The following TFDP2 variants were observed in gnomAD, a reference collection of about 807,000 sequenced individuals.
TFDP2 encodes the protein transcription factor Dp-2 (E2F dimerization partner 2).
A neutral mutation model predicts 59.3 loss-of-function variants in TFDP2; 17 were observed. The ratio of observed to expected loss-of-function variants is 0.29; its 90% confidence interval spans 0.20 to 0.43. The LOEUF (loss-of-function observed/expected upper bound fraction) is 0.43. TFDP2 is among the 20% of genes least tolerant of loss of function. TFDP2 has a pLI of 1.00. For missense variants in TFDP2, 391 were observed against 528.8 expected (o/e 0.74, Z 2.56); for synonymous variants, 180 against 194.7 (o/e 0.92, Z 0.63).
intron 1 of TFDP2, among the ~76,000 whole-genome samples, chr3:142,142,074 A>G (rs2062981465): frequency 6.6e-6 from 1 of 152,198 alleles, no homozygotes; most frequent in African/African-American, 2.4e-5. Flanking sequence ...CTGTTATTCA[A>G]CAAAGTACTG....
rs573535128 is a variant in TFDP2 at position 142,055,867 on chromosome 3, G to A, written c.82+37194C>T. 2.6e-5 allele frequency among the ~76,000 whole-genome samples: 4 copies of A among 151,340 alleles called. No homozygotes were observed. In the South Asian group the frequency reaches 6.3e-4, roughly 24 times the overall value. On this transcript the variant is annotated intron_variant, in intron 3 of 12. Coordinates refer to ENST00000489671, the MANE Select transcript of TFDP2 (RefSeq NM_001178139.2). ...TCATGATGACAATCAAGAAAAGGTG[G>A]AGGAGAAAAGTGCATGCAATTATAA...
chr3:142,044,828 G>A (rs1431513701), intron 3 of TFDP2, among the ~76,000 whole-genome samples: 3 of 152,092 alleles, frequency 2.0e-5, no homozygotes, highest in Non-Finnish European at 4.4e-5. Context: ...TACAATCTTA[G>A]GGAAGTAATT....
At chr3:142,139,666 AT>A (rs1247844428) in intron 1 of TFDP2, among the ~76,000 whole-genome samples, 1 of 151,954 alleles carries the variant, frequency 6.6e-6, no homozygotes, top group Non-Finnish European at 1.5e-5. Context: ...GTTGAAAATT[AT>A]TTTCTTTAAG....
At chr3:142,073,470 C>CT (rs1553796621) in intron 3 of TFDP2, among the ~76,000 whole-genome samples, 1 of 52,014 alleles carries the variant, frequency 1.9e-5, no homozygotes. Context: ...CCCCCCCCCC[C>CT]GCAAAAAAAA....
At chr3:142,111,071 A>G (rs1050132044) in intron 1 of TFDP2, among the ~76,000 whole-genome samples, 3 of 152,216 alleles carry the variant, frequency 2.0e-5, no homozygotes, top group African/African-American at 7.2e-5. Context: ...GCATTAAATG[A>G]CAAATTTCAC....
chr3:142,010,011 C>T (rs1944531760), intron 3 of TFDP2, among the ~76,000 whole-genome samples: 1 of 151,538 alleles, frequency 6.6e-6, no homozygotes, highest in South Asian at 2.1e-4. Flanking sequence ...TGAGAAAGGC[C>T]CTCCTCACCA....
chr3:142,099,382 C>A (rs191342642), intron 2 of TFDP2, among the ~76,000 whole-genome samples: 316 of 152,254 alleles, frequency 2.1e-3, no homozygotes, highest in African/African-American at 7.3e-3. Context: ...CACATGTAGT[C>A]CCATTGCTTT....
chr3:142,029,751 A>T (rs1169733452), intron 3 of TFDP2, among the ~76,000 whole-genome samples: 1 of 152,224 alleles, frequency 6.6e-6, no homozygotes, highest in African/African-American at 2.4e-5. Context: ...TGATTACAGA[A>T]ATTCAAAACA....
intron 3 of TFDP2, among the ~76,000 whole-genome samples, chr3:142,068,139 C>T (rs957258269): frequency 4.0e-5 from 6 of 151,354 alleles, no homozygotes; most frequent in African/African-American, 1.2e-4. Flanking sequence ...ATATGGTCAA[C>T]TAATCTCTCA....
intron 6 of TFDP2, among the ~76,000 whole-genome samples, chr3:141,981,695 C>T (rs1050629650): frequency 2.0e-5 from 3 of 152,126 alleles, no homozygotes; most frequent in Non-Finnish European, 2.9e-5. Context: ...GTTAGGCAGA[C>T]ATTCTCACTG....
intron 11 of TFDP2, among the ~76,000 whole-genome samples, chr3:141,958,740 AT>A (rs1276379899): frequency 6.6e-6 from 1 of 152,146 alleles, no homozygotes; most frequent in African/African-American, 2.4e-5. Context: ...GGAACAGTAA[AT>A]ATGGTCAACT....
chr3:141,955,482 G>A (rs992231067), intron 11 of TFDP2, among the ~76,000 whole-genome samples: 1 of 152,138 alleles, frequency 6.6e-6, no homozygotes, highest in Middle Eastern at 3.2e-3. Flanking sequence ...CCAGGCTGGA[G>A]AGCGTGGAGA....
rs569781215 is a variant in TFDP2, at chr3:142,113,202, T to C, written c.-92-11361A>G. 1.3e-3 allele frequency among the ~76,000 whole-genome samples: 203 copies of C among 152,364 alleles called. 1 individual carries two copies. Among genetic ancestry groups the C allele is most frequent in the African/African-American group, 4.4e-3 (184 of 41,586 alleles). On this transcript the variant is annotated intron_variant, in intron 1 of 12. Transcript: ENST00000489671. ...AAGCTTTAGATTAGCATCACAAATG[T>C]TAAGACTTATCTTTACTTGAACCAT... is the stretch of plus-strand genomic sequence containing the variant.
At chr3:142,098,913 A>G (rs887601862) in intron 2 of TFDP2, among the ~76,000 whole-genome samples, 1 of 152,234 alleles carries the variant, frequency 6.6e-6, no homozygotes. Flanking sequence ...TTTCAATTAT[A>G]TAAGTCAATA....
At chr3:141,959,603 A>G (rs1937110822) in intron 11 of TFDP2, 71 bp downstream of exon 11, 29 of 1,550,204 alleles carry the variant, frequency 1.9e-5, no homozygotes, top group Non-Finnish European at 2.5e-5. Context: ...AATTTTCTAT[A>G]AGAAAGGTTT....
At chr3:142,041,529 C>A (rs1204250776) in intron 3 of TFDP2, among the ~76,000 whole-genome samples, 1 of 152,224 alleles carries the variant, frequency 6.6e-6, no homozygotes, top group African/African-American at 2.4e-5. Context: ...TGACTTTGTT[C>A]CTCCTTTGCC....
In TFDP2 at chr3:142,149,387, G is replaced by C. The variant is rs1324270738; in HGVS notation, c.-297C>G. The C allele has an allele frequency of 4.4e-5, 17 of 387,578 alleles. No homozygotes were observed. Among genetic ancestry groups the C allele is most frequent in the African/African-American group, 3.5e-4 (17 of 48,128 alleles). 24.0% of individuals were successfully genotyped at this position (387,578 alleles called of 1,614,324 possible). ...ACGCCAACCGTGCGCGCGCCCTCGA[G>C]CCTGCCCAAAGATGAAGGGTCAGGG... is the stretch of plus-strand genomic sequence containing the variant. On this transcript the variant is annotated 5_prime_UTR_variant, in exon 1 of 13. Transcript: ENST00000489671.
chr3:142,067,209 C>G (rs1295803993), intron 3 of TFDP2, among the ~76,000 whole-genome samples: 2 of 152,054 alleles, frequency 1.3e-5, no homozygotes, highest in African/African-American at 4.8e-5. Flanking sequence ...GAACTAGAAA[C>G]TGAAAATTAA....
intron 1 of TFDP2, among the ~76,000 whole-genome samples, chr3:142,102,503 A>G (rs535683167): frequency 6.6e-6 from 1 of 152,262 alleles, no homozygotes; most frequent in East Asian, 1.9e-4. Context: ...TGAGTGATAC[A>G]GTTAGTAAAA....
Sources: gnomAD v4.1 joint callset for allele counts (sites outside exome capture counted in the v4.1 genomes callset) on GRCh38, gnomAD v4.1.1 for gene constraint, MANE v1.5 for transcripts, NCBI Gene and HGNC (gene_info 2026-07-23, HGNC 2026-07-21) for gene names.